TAB2: variants seen among roughly 807,000 people sequenced by gnomAD.
The protein encoded by TAB2 is TGF-beta activated kinase 1 (MAP3K7) binding protein 2.
In TAB2, 3 loss-of-function variants were observed where a neutral mutation model predicts 65.0. The ratio of observed to expected loss-of-function variants is 0.05; its 90% CI spans 0.02 to 0.12. The LOEUF (loss-of-function observed/expected upper bound fraction) is 0.12. Ranked by LOEUF, TAB2 falls within the 10% of genes least tolerant of loss-of-function variation. TAB2 has a pLI of 1.00. For synonymous variants in TAB2, 298 were observed against 285.1 expected, an observed-to-expected ratio of 1.05 and a Z score of -0.46; for missense variants, 623 against 840.3, an observed-to-expected ratio of 0.74 and a Z score of 3.20.
At chr6:149,342,231 C>A (rs2114781426) in intron 1 of TAB2, among the ~76,000 whole-genome samples, 1 of 152,024 alleles carries the variant, frequency 6.6e-6, no homozygotes, top group African/African-American at 2.4e-5. Context: ...TTAAGAAACC[C>A]CTGGGAATGG....
chr6:149,236,848 T>C (rs1777504696), intron 1 of TAB2, among the ~76,000 whole-genome samples: 1 of 152,152 alleles, frequency 6.6e-6, no homozygotes. Flanking sequence ...AGGAGGGACA[T>C]TTGAATTAAT....
intron 1 of TAB2, chr6:149,321,324 T>C (rs1211167718): frequency 1.3e-5 from 2 of 152,222 alleles, no homozygotes; most frequent in Non-Finnish European, 2.9e-5. Flanking sequence ...TTTTAACATT[T>C]TGTTTCTTAT....
At position 149,338,210 on chromosome 6, in the gene TAB2, G is replaced by A. The variant is rs181084226; in HGVS notation, c.-90+20195G>A. On this transcript the variant is annotated intron_variant, in intron 1 of 6. Transcript: ENST00000637181. ...GAAGGTGAAAATATTCACAGTAAGT[G>A]GGCTAAATCAAGCCTGTAAATAACC... is the stretch of plus-strand genomic sequence containing the variant. 9.2e-5 allele frequency among the ~76,000 whole-genome samples: 14 copies of A among 152,264 alleles called. No individual in the cohort carries two copies. In the East Asian group the frequency reaches 2.7e-3, roughly 29 times the overall value.
intron 1 of TAB2, among the ~76,000 whole-genome samples, chr6:149,240,851 T>C (rs886614316): frequency 2.0e-5 from 3 of 152,192 alleles, no homozygotes; most frequent in Non-Finnish European, 4.4e-5. Flanking sequence ...ACACGTGTTA[T>C]GGATTAAATG....
intron 1 of TAB2, among the ~76,000 whole-genome samples, chr6:149,260,812 C>G (rs368371931): frequency 1.1e-4 from 16 of 152,290 alleles, no homozygotes; most frequent in Admixed American, 3.3e-4. Context: ...ACGTACTGAC[C>G]TGTAGTTGAG....
rs1476471367 is a variant in TAB2, at chr6:149,370,006, A to G, written c.9A>G (p.Gln3=). 1.2e-6 allele frequency: 2 copies of G among 1,614,112 alleles called. No homozygotes were observed. The highest frequency in any genetic ancestry group is 1.1e-5 in the South Asian group (1 of 91,092). The change falls in exon 2 of 7, where the codon CAA becomes CAG. Residue 3 remains glutamine (Q), a synonymous_variant. Transcript: ENST00000637181. MA[Q]GSHQIDFQVL... is the part of the protein sequence containing the mutation. ...GATCAGGCAATATACGAATGGCCCAAGGAAGCCACCAAATTGATTTTCAGG... is the reference window on the plus strand; with the variant it reads ...GATCAGGCAATATACGAATGGCCCAGGGAAGCCACCAAATTGATTTTCAGG...
At chr6:149,328,286 A>G (rs1403895296) in intron 1 of TAB2, among the ~76,000 whole-genome samples, 1 of 152,136 alleles carries the variant, frequency 6.6e-6, no homozygotes, top group Non-Finnish European at 1.5e-5. Flanking sequence ...ATTGTGTCTC[A>G]TCTCTACATT....
Position 149,410,529 on chromosome 6 carries a change from AAT to A in TAB2, c.*812_*813del, listed in dbSNP as rs1347444731. 2.6e-5 allele frequency: 4 copies of A among 152,380 alleles called. No individual in the cohort carries two copies. The highest frequency in any genetic ancestry group is 5.9e-5 in the Non-Finnish European group (4 of 68,044). 9.4% of individuals were successfully genotyped at this position (152,380 alleles called of 1,614,324 possible). On this transcript the variant is annotated 3_prime_UTR_variant, in exon 7 of 7. Coordinates refer to ENST00000637181, the MANE Select transcript of TAB2 (RefSeq NM_001292034.3). ...TTACCTGAGAGGAACAATGCCTTAA[AAT>A]AAAAAAGCATTAATGAGATGAAAGT...
chr6:149,277,704 A>T (rs1201918394), intron 1 of TAB2, among the ~76,000 whole-genome samples: 1 of 152,178 alleles, frequency 6.6e-6, no homozygotes, highest in East Asian at 1.9e-4. Context: ...CTACCTTGTG[A>T]GAAGTGGAAG....
At chr6:149,324,561 C>A (rs1172826044) in intron 1 of TAB2, among the ~76,000 whole-genome samples, 2 of 152,018 alleles carry the variant, frequency 1.3e-5, no homozygotes, top group Non-Finnish European at 2.9e-5. Flanking sequence ...GTGAAGCAGG[C>A]CAGAGATATT....
intron 1 of TAB2, among the ~76,000 whole-genome samples, chr6:149,304,864 A>G (rs1779033915): frequency 6.6e-6 from 1 of 152,206 alleles, no homozygotes; most frequent in Non-Finnish European, 1.5e-5. Context: ...CAAGTCCCTT[A>G]TATAAAATGA....
At chr6:149,303,902 G>A (rs1779012855) in intron 1 of TAB2, among the ~76,000 whole-genome samples, 1 of 152,258 alleles carries the variant, frequency 6.6e-6, no homozygotes, top group African/African-American at 2.4e-5. Context: ...TGCCTTGAGG[G>A]AGGCGCAAAG....
chr6:149,322,826 T>A (rs474369), intron 1 of TAB2, among the ~76,000 whole-genome samples: 18,521 of 152,224 alleles, frequency 0.12, 1,736 homozygotes, highest in East Asian at 0.51. Flanking sequence ...TCATTTTGCT[T>A]GTTAATTCAA....
intron 1 of TAB2, among the ~76,000 whole-genome samples, chr6:149,339,953 ATTTAC>A (rs1409499199): frequency 2.0e-5 from 3 of 152,070 alleles, no homozygotes; most frequent in Non-Finnish European, 4.4e-5. Flanking sequence ...AAATGTAGGC[ATTTAC>A]TTTACGATTC....
At chr6:149,247,005 C>G (rs1260841786) in intron 1 of TAB2, 1 of 152,774 alleles carries the variant, frequency 6.5e-6, no homozygotes, top group Admixed American at 6.5e-5. Flanking sequence ...TTCCTTATCC[C>G]CAACCTTTTG....
At chr6:149,387,794 A>T (rs942508079) in intron 3 of TAB2, among the ~76,000 whole-genome samples, 3 of 148,504 alleles carry the variant, frequency 2.0e-5, no homozygotes, top group African/African-American at 7.3e-5. Context: ...TTCTTCTAGG[A>T]TTATGTCTCT....
At chr6:149,341,515 T>C (rs867383603) in intron 1 of TAB2, among the ~76,000 whole-genome samples, 1 of 152,180 alleles carries the variant, frequency 6.6e-6, no homozygotes, top group African/African-American at 2.4e-5. Flanking sequence ...ACATACACTT[T>C]AGCTAAATCT....
chr6:149,328,474 A>T (rs1779683798), intron 1 of TAB2, among the ~76,000 whole-genome samples: 1 of 152,144 alleles, frequency 6.6e-6, no homozygotes, highest in Admixed American at 6.5e-5. Flanking sequence ...TTGTGTGTTT[A>T]GTAGAGACAG....
Position 149,410,680 on chromosome 6 carries a change from G to A in TAB2, c.*961G>A, listed in dbSNP as rs1243729436. ...GATATTACAGAAGTGATGTCTGTAG[G>A]TCACATTAAATACTGACTTGAGCAG... On this transcript the variant is annotated 3_prime_UTR_variant, in exon 7 of 7. Transcript: ENST00000637181. The A allele has an allele frequency of 6.6e-6, 1 of 152,598 alleles. No homozygotes were observed. Among genetic ancestry groups the A allele is most frequent in the Non-Finnish European group, 1.5e-5 (1 of 68,032 alleles). 9.5% of individuals were successfully genotyped at this position (152,598 alleles called of 1,614,324 possible). A position where few individuals can be genotyped will look rare whatever the true frequency, so the allele number is the denominator to read the frequency against.
Sources: gnomAD v4.1 joint callset for allele counts (sites outside exome capture counted in the v4.1 genomes callset) on GRCh38, gnomAD v4.1.1 for gene constraint, MANE v1.5 for transcripts, NCBI Gene and HGNC (gene_info 2026-07-23, HGNC 2026-07-21) for gene names.